Variants in SLC24A3 observed in about 807,000 individuals in gnomAD.
SLC24A3 encodes solute carrier family 24 member 3.
SLC24A3 carries 28 observed loss-of-function variants against 75.8 expected under a neutral mutation model. That is an observed-to-expected ratio of 0.37 (90% CI 0.27 to 0.51). The LOEUF (loss-of-function observed/expected upper bound fraction) is 0.51, where lower values mean the gene tolerates loss of function less well. Ranked by LOEUF, SLC24A3 falls within the 20% of genes least tolerant of loss-of-function variation. The pLI, the probability that SLC24A3 is intolerant of heterozygous loss-of-function variation, is 0.94. For missense variants in SLC24A3, 663 were observed against 847.8 expected (o/e 0.78, Z 2.71); for synonymous variants, 372 against 334.1 (o/e 1.11, Z -1.24).
intron 2 of SLC24A3, among the ~76,000 whole-genome samples, chr20:19,469,564 C>T (rs775268857): frequency 6.6e-6 from 1 of 152,116 alleles, no homozygotes; most frequent in Non-Finnish European, 1.5e-5. Context: ...ATGATGCCTT[C>T]ATCTGAGGAC....
At chr20:19,719,695 C>G (rs2033082245) in intron 16 of SLC24A3, among the ~76,000 whole-genome samples, 1 of 152,216 alleles carries the variant, frequency 6.6e-6, no homozygotes, top group South Asian at 2.1e-4. Flanking sequence ...AAATAAGACC[C>G]ATCCGCATGG....
In SLC24A3 at chr20:19,698,624, A is replaced by G; in HGVS notation, c.1663A>G (p.Ile555Val). 1 of 1,596,280 alleles carries G rather than the reference A, an allele frequency of 6.3e-7. No homozygotes were observed. The highest frequency in any genetic ancestry group is 8.5e-7 in the Non-Finnish European group (1 of 1,169,694). ...TGGGAGCAACGTGTTTGACATCCTGATTGGCCTCGGTCTCCCCTGGGCTCT... is the reference window on the plus strand; with the variant it reads ...TGGGAGCAACGTGTTTGACATCCTGGTTGGCCTCGGTCTCCCCTGGGCTCT... ...SIGSNVFDILIGLGLPWALQT... is the reference protein window; with the variant it reads ...SIGSNVFDILVGLGLPWALQT... The change falls in exon 15 of 17, where the codon ATT (isoleucine) becomes GTT (valine). Residue 555 changes from isoleucine to valine, a missense_variant. Coordinates refer to ENST00000328041, the MANE Select transcript of SLC24A3 (RefSeq NM_020689.4).
chr20:19,276,458 T>A (rs773479054), intron 1 of SLC24A3, among the ~76,000 whole-genome samples: 3 of 152,198 alleles, frequency 2.0e-5, no homozygotes, highest in Non-Finnish European at 4.4e-5. Flanking sequence ...TTTACATAAA[T>A]CTGGATGGTA....
Position 19,363,738 on chromosome 20 carries a change from C to T in SLC24A3, c.271+82651C>T, listed in dbSNP as rs16980414. 7.7e-3 allele frequency among the ~76,000 whole-genome samples: 1,178 copies of T among 152,236 alleles called. 22 individuals are homozygous for T. Among genetic ancestry groups the T allele is most frequent in the African/African-American group, 0.027 (1,121 of 41,536 alleles). ...ACAGACTGTTTGGAGCCTTAACAAT[C>T]GCTTATTTTGTATTGGATGTTTTAA... On this transcript the variant is annotated intron_variant, in intron 2 of 16. Transcript: ENST00000328041.
chr20:19,284,441 A>C (rs1358632001), intron 2 of SLC24A3: 1 of 152,700 alleles, frequency 6.5e-6, no homozygotes, highest in Non-Finnish European at 1.5e-5. Flanking sequence ...GAGGCTAGGA[A>C]GTGAGCCCTG....
chr20:19,546,067 GA>G (rs1330204598), intron 3 of SLC24A3, among the ~76,000 whole-genome samples: 6 of 147,632 alleles, frequency 4.1e-5, no homozygotes, highest in Admixed American at 3.5e-4. Flanking sequence ...GCAGAAGTAG[GA>G]AAATGGCGTG....
chr20:19,693,647 T>A, intron 13 of SLC24A3: 1 of 521,014 alleles, frequency 1.9e-6, no homozygotes, highest in Non-Finnish European at 3.2e-6. Flanking sequence ...AGCTGGGACC[T>A]GCTATGCAGC....
rs576660471 is a variant in SLC24A3 at position 19,563,313 on chromosome 20, A to T, written c.349-16687A>T. 1.7e-3 allele frequency among the ~76,000 whole-genome samples: 266 copies of T among 152,310 alleles called. 1 individual carries two copies. Among genetic ancestry groups the T allele is most frequent in the Non-Finnish European group, 2.9e-3 (198 of 68,030 alleles). ...GTTAAATAAAATGTGTTCACTGTCT[A>T]AATATTAAATATTAAAACTTCAAAT... On this transcript the variant is annotated intron_variant, in intron 3 of 16. Coordinates refer to ENST00000328041, the MANE Select transcript of SLC24A3 (RefSeq NM_020689.4).
intron 2 of SLC24A3, among the ~76,000 whole-genome samples, chr20:19,490,628 G>A (rs1988195506): frequency 6.6e-6 from 1 of 152,118 alleles, no homozygotes; most frequent in African/African-American, 2.4e-5. Context: ...GGGATGTTAG[G>A]GTGAAGATTT....
At chr20:19,552,064 G>A (rs1186414335) in intron 3 of SLC24A3, among the ~76,000 whole-genome samples, 1 of 152,164 alleles carries the variant, frequency 6.6e-6, no homozygotes, top group Non-Finnish European at 1.5e-5. Flanking sequence ...AAAGAGTTTA[G>A]TTTCCAAGAT....
At chr20:19,434,891 T>C (rs1364253138) in intron 2 of SLC24A3, among the ~76,000 whole-genome samples, 1 of 152,188 alleles carries the variant, frequency 6.6e-6, no homozygotes, top group Non-Finnish European at 1.5e-5. Context: ...AGGGATTCTG[T>C]CTCTTACTTT....
At chr20:19,238,180 C>A (rs1982222933) in intron 1 of SLC24A3, among the ~76,000 whole-genome samples, 1 of 152,132 alleles carries the variant, frequency 6.6e-6, no homozygotes, top group African/African-American at 2.4e-5. Flanking sequence ...AGTCACCCCC[C>A]ACAAGAGTGA....
chr20:19,682,917 A>G (rs1379532985), intron 10 of SLC24A3, among the ~76,000 whole-genome samples: 3 of 152,168 alleles, frequency 2.0e-5, no homozygotes, highest in African/African-American at 4.8e-5. Context: ...TCTAAGAGGA[A>G]CTCAGAAAAT....
chr20:19,423,836 G>A (rs963788064), intron 2 of SLC24A3, among the ~76,000 whole-genome samples: 2 of 152,170 alleles, frequency 1.3e-5, no homozygotes, highest in Admixed American at 6.5e-5. Flanking sequence ...AGGATGCCAG[G>A]TTTGTCGGTA....
chr20:19,421,937 G>T (rs1986925009), intron 2 of SLC24A3, among the ~76,000 whole-genome samples: 2 of 152,136 alleles, frequency 1.3e-5, no homozygotes, highest in Non-Finnish European at 2.9e-5. Context: ...TACAAGATGT[G>T]TCAGGGAGCG....
chr20:19,381,111 C>G (rs917050259), intron 2 of SLC24A3, among the ~76,000 whole-genome samples: 1 of 152,168 alleles, frequency 6.6e-6, no homozygotes, highest in Non-Finnish European at 1.5e-5. Context: ...ACCACTATTA[C>G]CAACAGAAGT....
At chr20:19,556,862 A>G (rs375012770) in intron 3 of SLC24A3, among the ~76,000 whole-genome samples, 2 of 152,046 alleles carry the variant, frequency 1.3e-5, no homozygotes, top group Admixed American at 6.6e-5. Flanking sequence ...CGGCTTGTGG[A>G]AGCTGAATAT....
intron 1 of SLC24A3, among the ~76,000 whole-genome samples, chr20:19,248,371 AAAT>A (rs1426839360): frequency 6.6e-6 from 1 of 152,248 alleles, no homozygotes; most frequent in Admixed American, 6.5e-5. Flanking sequence ...ATTAATAAAA[AAAT>A]GACGATGGTT....
intron 2 of SLC24A3, among the ~76,000 whole-genome samples, chr20:19,320,930 A>G (rs1342494726): frequency 2.0e-5 from 3 of 152,114 alleles, no homozygotes; most frequent in African/African-American, 7.2e-5. Context: ...GACTGTATAC[A>G]GAATGTGTGT....
Sources: allele counts gnomAD v4.1 joint callset (sites outside exome capture counted in the v4.1 genomes callset), GRCh38; gene constraint gnomAD v4.1.1; transcripts MANE v1.5; gene names NCBI Gene and HGNC (gene_info 2026-07-23, HGNC 2026-07-21).